Variants in PIK3R4 observed in about 807,000 individuals in gnomAD.
The protein encoded by PIK3R4 is phosphoinositide 3-kinase regulatory subunit 4.
A neutral mutation model predicts 136.5 loss-of-function variants in PIK3R4; 46 were observed. The ratio of observed to expected loss-of-function variants is 0.34; its 90% CI spans 0.27 to 0.43. The LOEUF (loss-of-function observed/expected upper bound fraction) is 0.43, where lower values mean the gene tolerates loss of function less well. Among genes scored for constraint, PIK3R4 ranks in the 20% least tolerant of loss-of-function variants. The probability of loss-of-function intolerance (pLI) is 1.00; values close to 1 mark genes in which losing one functional copy is unlikely to be tolerated. For synonymous variants in PIK3R4, 557 were observed against 566.7 expected (o/e 0.98, Z 0.24); for missense variants, 1,331 against 1,649.5 (o/e 0.81, Z 3.35).
rs1400123461 is a variant in PIK3R4, at chr3:130,735,495, T to C, written c.867+374A>G. 3.3e-5 allele frequency among the ~76,000 whole-genome samples: 5 copies of C among 152,222 alleles called. No individual in the cohort carries two copies. The East Asian group carries it at 7.7e-4, about 23-fold the overall frequency. ...CCTGTATTGCTGTATTACATTCAAG[T>C]TGACATTTCCTGTCCCCTCCATTTC... is the stretch of plus-strand genomic sequence containing the variant. On this transcript the variant is annotated intron_variant, in intron 3 of 19. Transcript: ENST00000356763.
intron 5 of PIK3R4, among the ~76,000 whole-genome samples, chr3:130,729,904 G>A (rs1459603347): frequency 6.6e-6 from 1 of 152,058 alleles, no homozygotes; most frequent in Non-Finnish European, 1.5e-5. Flanking sequence ...TTCCTTTATG[G>A]TTTTTTGTAA....
intron 2 of PIK3R4, 142 bp downstream of exon 2, chr3:130,744,344 G>C: frequency 1.2e-6 from 1 of 833,944 alleles, no homozygotes; most frequent in South Asian, 1.7e-5. Flanking sequence ...ATGCAGGAAT[G>C]CTGCCTCTAA....
chr3:130,695,930 G>A (rs1010888535), intron 13 of PIK3R4, among the ~76,000 whole-genome samples: 1 of 152,036 alleles, frequency 6.6e-6, no homozygotes, highest in African/African-American at 2.4e-5. Context: ...GGCTTTGTGG[G>A]AGGTTTTTTG....
chr3:130,702,908 C>T (rs1267274475), intron 13 of PIK3R4, among the ~76,000 whole-genome samples: 2 of 152,040 alleles, frequency 1.3e-5, no homozygotes, highest in Non-Finnish European at 2.9e-5. Context: ...AATTTTTTTA[C>T]TTTTTTCATG....
intron 2 of PIK3R4, among the ~76,000 whole-genome samples, chr3:130,737,416 T>C (rs2066792199): frequency 1.3e-5 from 2 of 152,176 alleles, no homozygotes; most frequent in Admixed American, 1.3e-4. Context: ...TCCCACCACT[T>C]TGGGAGGCCA....
intron 7 of PIK3R4, among the ~76,000 whole-genome samples, chr3:130,720,357 G>A (rs2107614229): frequency 6.6e-6 from 1 of 152,162 alleles, no homozygotes; most frequent in African/African-American, 2.4e-5. Context: ...TGCCAAGCCT[G>A]GCTAATTTTG....
At chr3:130,742,396 T>C (rs953818941) in intron 2 of PIK3R4, among the ~76,000 whole-genome samples, 19 of 152,224 alleles carry the variant, frequency 1.2e-4, no homozygotes, top group African/African-American at 4.3e-4. Context: ...CCCCTGAAGT[T>C]TGAAAGTGAC....
intron 9 of PIK3R4, among the ~76,000 whole-genome samples, chr3:130,712,388 G>C (rs950761762): frequency 2.2e-4 from 34 of 151,932 alleles, no homozygotes; most frequent in African/African-American, 7.3e-4. Context: ...ACAAGGACTC[G>C]CCGGGCGAGG....
intron 13 of PIK3R4, among the ~76,000 whole-genome samples, chr3:130,697,730 C>G (rs2107604803): frequency 6.6e-6 from 1 of 152,288 alleles, no homozygotes; most frequent in Admixed American, 6.5e-5. Flanking sequence ...TCTCTTCATG[C>G]AGTCATCTTT....
intron 7 of PIK3R4, among the ~76,000 whole-genome samples, 170 bp from the exon 8 acceptor site, chr3:130,718,704 C>T (rs764244578): frequency 2.6e-5 from 4 of 152,162 alleles, no homozygotes; most frequent in Admixed American, 2.0e-4. Flanking sequence ...AGTGGACACA[C>T]TGTTATTATA....
chr3:130,743,802 T>C (rs1235989281), intron 2 of PIK3R4, among the ~76,000 whole-genome samples: 1 of 152,202 alleles, frequency 6.6e-6, no homozygotes, highest in African/African-American at 2.4e-5. Context: ...GTAGCTCCCC[T>C]GCAAAATTCA....
At chr3:130,728,973 A>G (rs2066748273) in intron 5 of PIK3R4, among the ~76,000 whole-genome samples, 1 of 152,218 alleles carries the variant, frequency 6.6e-6, no homozygotes, top group African/African-American at 2.4e-5. Flanking sequence ...AAAATTATAG[A>G]GAAGCACCAG....
In PIK3R4 at chr3:130,746,646, C is replaced by T. The variant is rs928644354; in HGVS notation, c.-375G>A. On this transcript the variant is annotated 5_prime_UTR_variant, in exon 1 of 20. Transcript: ENST00000356763. ...CCCTGGGGGACATGCGTTCCCGGGC[C>T]TCGTCTTCCTCTAGCGCGGATCGCT... The T allele has an allele frequency of 3.3e-5, 5 of 152,310 alleles. No individual in the cohort carries two copies. Among genetic ancestry groups the T allele is most frequent in the African/African-American group, 1.2e-4 (5 of 41,460 alleles). 9.4% of individuals were successfully genotyped at this position (152,310 alleles called of 1,614,324 possible). A position where few individuals can be genotyped will look rare whatever the true frequency, so the allele number is the denominator to read the frequency against.
chr3:130,713,579 T>C (rs1406370076), intron 9 of PIK3R4, among the ~76,000 whole-genome samples: 1 of 152,162 alleles, frequency 6.6e-6, no homozygotes, highest in Non-Finnish European at 1.5e-5. Context: ...TCAAAACCTA[T>C]ACCTTAGCAA....
At chr3:130,679,825 C>T (rs1034313639) in intron 19 of PIK3R4, among the ~76,000 whole-genome samples, 2 of 152,028 alleles carry the variant, frequency 1.3e-5, no homozygotes, top group African/African-American at 4.8e-5. Flanking sequence ...CGCCTATAAT[C>T]CCAGCACTTT....
At chr3:130,723,637 T>C (rs2066716090) in intron 6 of PIK3R4, 50 bp from the exon 7 acceptor site, 1 of 1,483,374 alleles carries the variant, frequency 6.7e-7, no homozygotes, top group African/African-American at 1.4e-5. Flanking sequence ...TAAAAGTACA[T>C]ATATCATTAA....
intron 9 of PIK3R4, among the ~76,000 whole-genome samples, chr3:130,709,200 A>T (rs2066621669): frequency 6.6e-6 from 1 of 152,188 alleles, no homozygotes; most frequent in Admixed American, 6.5e-5. Context: ...CACCTAAAAT[A>T]GTGCACTTGA....
chr3:130,711,791 A>G (rs751241597), intron 9 of PIK3R4, among the ~76,000 whole-genome samples: 3 of 152,190 alleles, frequency 2.0e-5, no homozygotes, highest in Non-Finnish European at 4.4e-5. Context: ...TCAACACCCA[A>G]CATAAAATTC....
intron 13 of PIK3R4, among the ~76,000 whole-genome samples, chr3:130,692,670 A>G (rs2066525615): frequency 6.6e-6 from 1 of 152,230 alleles, no homozygotes; most frequent in Non-Finnish European, 1.5e-5. Flanking sequence ...ATTTGTGTAT[A>G]AGTCTTTGTG....
Sources: gnomAD v4.1 joint callset for allele counts (sites outside exome capture counted in the v4.1 genomes callset) on GRCh38, gnomAD v4.1.1 for gene constraint, MANE v1.5 for transcripts, NCBI Gene and HGNC (gene_info 2026-07-23, HGNC 2026-07-21) for gene names.